Variants in MYO18B observed in about 807,000 individuals in gnomAD.
The protein encoded by MYO18B is myosin XVIIIB.
MYO18B carries 204 observed loss-of-function variants against 273.0 expected under a neutral mutation model. That is an observed-to-expected ratio of 0.75 (90% CI 0.67 to 0.84). MYO18B has a LOEUF of 0.84. MYO18B is among the 40% of genes least tolerant of loss of function. MYO18B has a pLI of 0.00. For missense variants in MYO18B, 3,212 were observed against 3,287.6 expected, an observed-to-expected ratio of 0.98 and a Z score of 0.56; for synonymous variants, 1,330 against 1,305.7, an observed-to-expected ratio of 1.02 and a Z score of -0.40.
At chr22:25,748,600 G>T (rs769974800) in intron 1 of MYO18B, among the ~76,000 whole-genome samples, 4 of 152,172 alleles carry the variant, frequency 2.6e-5, no homozygotes, top group South Asian at 4.1e-4. Flanking sequence ...TTCTGATGCT[G>T]AGGGGCATTT....
At chr22:26,006,284 T>C (rs1455295727) in intron 42 of MYO18B, 1 of 155,842 alleles carries the variant, frequency 6.4e-6, no homozygotes, top group Non-Finnish European at 1.4e-5. Context: ...CGGTGCAGGA[T>C]CTGAAGTCAG....
At chr22:25,932,569 C>T (rs1023679412) in intron 34 of MYO18B, among the ~76,000 whole-genome samples, 23 of 151,944 alleles carry the variant, frequency 1.5e-4, no homozygotes, top group African/African-American at 4.8e-4. Context: ...TCACCATGCC[C>T]GGCTAATTTT....
chr22:25,762,578 G>A lies in MYO18B; in HGVS notation c.40-653G>A, dbSNP rs1341152767. ...TGCTGGCCTAGGCCGTATTTCTGGG[G>A]GGTAAAATATCAGGGTCCAACCTGC... On this transcript the variant is annotated intron_variant, in intron 2 of 43. Coordinates refer to ENST00000335473, the MANE Select transcript of MYO18B (RefSeq NM_032608.7). 4.6e-5 allele frequency among the ~76,000 whole-genome samples: 7 copies of A among 152,272 alleles called. No individual in the cohort carries two copies. The South Asian group carries it at 1.2e-3, about 27-fold the overall frequency.
In MYO18B at chr22:25,768,780, G is replaced by A. The variant is rs113794905; in HGVS notation, c.864G>A (p.Glu288=). ...RPGKAEKEGA[E]PTNTVEKGNV... ...GGAAAGCAGAGAAGGAGGGAGCAGA[G>A]CCCACAAACACGGTGGAAAAGGGGA... Residue 288 remains glutamate (E), a synonymous_variant, in exon 4 of 44, where the codon GAG becomes GAA. Coordinates refer to ENST00000335473, the MANE Select transcript of MYO18B (RefSeq NM_032608.7). 101 of 1,609,156 alleles carry A rather than the reference G, an allele frequency of 6.3e-5. No individual in the cohort carries two copies. The African/African-American group carries it at 9.2e-4, about 15-fold the overall frequency.
At chr22:25,951,950 G>A (rs2092797254) in intron 37 of MYO18B, among the ~76,000 whole-genome samples, 1 of 152,206 alleles carries the variant, frequency 6.6e-6, no homozygotes, top group Non-Finnish European at 1.5e-5. Flanking sequence ...GCTGTAGCTT[G>A]TTGCTCACAG....
At chr22:26,033,732 TTTTCTCTC>T (rs1337905739), downstream of MYO18B, among the ~76,000 whole-genome samples, 1 of 151,766 alleles carries the variant, frequency 6.6e-6, no homozygotes, top group Non-Finnish European at 1.5e-5. Flanking sequence ...TTCTTTCTCT[TTTTCTCTC>T]TTTCTCTCTC....
intron 21 of MYO18B, among the ~76,000 whole-genome samples, chr22:25,866,547 AACAGT>A (rs1011127392): frequency 3.3e-5 from 5 of 152,126 alleles, no homozygotes; most frequent in Admixed American, 3.3e-4. Context: ...GTGTGTATAG[AACAGT>A]ACTATAGGCT....
intron 17 of MYO18B, 131 bp from the exon 18 acceptor site, chr22:25,843,604 G>A: frequency 2.5e-6 from 2 of 800,484 alleles, no homozygotes; most frequent in Non-Finnish European, 3.8e-6. Flanking sequence ...GAGAAATGTG[G>A]GTGCCTTCGA....
Position 25,785,509 on chromosome 22 carries a change from C to T in MYO18B, c.2376+18C>T. On this transcript the variant is annotated intron_variant, in intron 11 of 43. Transcript: ENST00000335473. ...GGTCCAAGGTAAGGAGGAGGTCCCT[C>T]ACGGGTGGGATGTGAGTCTGTGTCT... The T allele has an allele frequency of 1.2e-6, 2 of 1,609,514 alleles. No individual in the cohort carries two copies. Among genetic ancestry groups the T allele is most frequent in the Non-Finnish European group, 1.7e-6 (2 of 1,177,880 alleles).
intron 34 of MYO18B, among the ~76,000 whole-genome samples, chr22:25,922,624 T>TC (rs2092364474): frequency 6.6e-6 from 1 of 152,152 alleles, no homozygotes. Flanking sequence ...AGGGTTACTG[T>TC]CCCTTCCTCC....
rs547940889 is a variant in MYO18B at position 25,757,633 on chromosome 22, A to G, written c.-109-3351A>G. The stretch of plus-strand genomic sequence containing the variant: ...AAAATAAAACTGCTGGTCAGTGGTT[A>G]CTCTGGCAGCTGGGATGGAGGGTGG... On this transcript the variant is annotated intron_variant, in intron 1 of 43. Coordinates refer to ENST00000335473, the MANE Select transcript of MYO18B (RefSeq NM_032608.7). 1.0e-3 allele frequency among the ~76,000 whole-genome samples: 157 copies of G among 151,882 alleles called. 1 individual carries two copies. The highest frequency in any genetic ancestry group is 2.8e-3 in the Admixed American group (42 of 15,244).
intron 12 of MYO18B, among the ~76,000 whole-genome samples, chr22:25,822,710 C>A (rs5761258): frequency 6.6e-6 from 1 of 152,166 alleles, no homozygotes; most frequent in Admixed American, 6.5e-5. Context: ...GGCAGACTTG[C>A]GTCTTAAGAG....
chr22:25,965,543 AG>A (rs1466628320), intron 39 of MYO18B, among the ~76,000 whole-genome samples: 2 of 152,156 alleles, frequency 1.3e-5, no homozygotes, highest in Non-Finnish European at 2.9e-5. Flanking sequence ...TTCTCCCTCC[AG>A]GGCTGATTTC....
At chr22:25,897,593 A>T (rs1168342792) in intron 28 of MYO18B, 4 of 152,240 alleles carry the variant, frequency 2.6e-5, no homozygotes, top group Non-Finnish European at 5.9e-5. Flanking sequence ...GAGCAGCAGA[A>T]TATAAGAGAA....
At chr22:25,755,990 T>C (rs1403423742) in intron 1 of MYO18B, among the ~76,000 whole-genome samples, 1 of 152,026 alleles carries the variant, frequency 6.6e-6, no homozygotes, top group Non-Finnish European at 1.5e-5. Flanking sequence ...CTCTGCCTCC[T>C]GGGTTCACGC....
intron 1 of MYO18B, among the ~76,000 whole-genome samples, chr22:25,752,667 A>ATT (rs143164501): frequency 6.6e-6 from 1 of 151,564 alleles, no homozygotes; most frequent in South Asian, 2.1e-4. Flanking sequence ...ATTAAAAAAA[A>ATT]ATTTTTTTAG....
intron 12 of MYO18B, among the ~76,000 whole-genome samples, chr22:25,821,979 A>G (rs762524291): frequency 6.6e-6 from 1 of 152,186 alleles, no homozygotes; most frequent in Non-Finnish European, 1.5e-5. Flanking sequence ...TGATATCACT[A>G]TGATATCATT....
intron 21 of MYO18B, among the ~76,000 whole-genome samples, chr22:25,853,393 C>T (rs985492561): frequency 6.6e-6 from 1 of 152,226 alleles, no homozygotes; most frequent in African/African-American, 2.4e-5. Flanking sequence ...ATGCCTTCTG[C>T]AGGGCCCTCC....
chr22:25,866,962 G>A lies in MYO18B; in HGVS notation c.3886-1358G>A, dbSNP rs149829931. ...GAGCAATGAGAGAAGCATAGAGCGG[G>A]GAGGCTATCACAGGAGGACTTAGTG... On this transcript the variant is annotated intron_variant, in intron 21 of 43. Coordinates refer to ENST00000335473, the MANE Select transcript of MYO18B (RefSeq NM_032608.7). Among the ~76,000 whole-genome samples, 159 of 152,166 alleles carry A rather than the reference G, an allele frequency of 1.0e-3. 1 individual carries two copies. Among genetic ancestry groups the A allele is most frequent in the African/African-American group, 3.8e-3 (156 of 41,498 alleles).
Sources: gnomAD v4.1 joint callset for allele counts (sites outside exome capture counted in the v4.1 genomes callset) on GRCh38, gnomAD v4.1.1 for gene constraint, MANE v1.5 for transcripts, NCBI Gene and HGNC (gene_info 2026-07-23, HGNC 2026-07-21) for gene names.